The following NAALADL2 variants were observed in gnomAD, a reference collection of about 807,000 sequenced individuals.
The protein encoded by NAALADL2 is inactive N-acetylated-alpha-linked acidic dipeptidase-like protein 2.
In NAALADL2, 76 loss-of-function variants were observed where a neutral mutation model predicts 87.2. That is an observed-to-expected ratio of 0.87 (90% confidence interval 0.72 to 1.05). The LOEUF (loss-of-function observed/expected upper bound fraction) is 1.05. NAALADL2 is among the 50% of genes least tolerant of loss of function. The probability of loss-of-function intolerance (pLI) is 0.00; values close to 1 mark genes in which losing one functional copy is unlikely to be tolerated. For missense variants in NAALADL2, 1,089 were observed against 945.8 expected (o/e 1.15, Z -1.99); for synonymous variants, 354 against 331.0 (o/e 1.07, Z -0.75).
At chr3:174,982,917 C>A (rs1436612250) in intron 1 of NAALADL2, among the ~76,000 whole-genome samples, 1 of 152,156 alleles carries the variant, frequency 6.6e-6, no homozygotes, top group African/African-American at 2.4e-5. Context: ...CCTGCCTCAG[C>A]CTCCTGAGTA....
intron 3 of NAALADL2, among the ~76,000 whole-genome samples, chr3:174,773,300 G>A (rs566461): frequency 0.53 from 80,387 of 152,048 alleles, 21,632 homozygotes; most frequent in Middle Eastern, 0.64. Context: ...TCTCTTTCCT[G>A]TTGTTAGTTA....
intron 4 of NAALADL2, among the ~76,000 whole-genome samples, chr3:175,285,420 G>C (rs1373407513): frequency 6.6e-6 from 1 of 150,550 alleles, no homozygotes; most frequent in Non-Finnish European, 1.5e-5. Flanking sequence ...TGATATTGTT[G>C]ATTATTTTCT....
chr3:175,114,017 G>A (rs1724670259), intron 2 of NAALADL2, among the ~76,000 whole-genome samples: 1 of 151,622 alleles, frequency 6.6e-6, no homozygotes, highest in South Asian at 2.1e-4. Context: ...AGTTTGTCAG[G>A]TCTTAGTAAT....
chr3:175,537,467 G>A (rs1039106125), intron 9 of NAALADL2, among the ~76,000 whole-genome samples: 1 of 152,134 alleles, frequency 6.6e-6, no homozygotes, highest in Non-Finnish European at 1.5e-5. Context: ...TGAACTAAAG[G>A]TTTATATTGA....
intron 2 of NAALADL2, among the ~76,000 whole-genome samples, chr3:174,727,357 G>T (rs1339639756): frequency 1.3e-5 from 2 of 151,636 alleles, no homozygotes; most frequent in African/African-American, 4.8e-5. Flanking sequence ...TCCCAAAATG[G>T]GTAATGTTCA....
intron 11 of NAALADL2, among the ~76,000 whole-genome samples, chr3:175,691,148 A>G (rs1736980800): frequency 6.6e-6 from 1 of 151,484 alleles, no homozygotes; most frequent in Non-Finnish European, 1.5e-5. Flanking sequence ...GTAGTTTCAT[A>G]AGTAACAAAA....
intron 3 of NAALADL2, among the ~76,000 whole-genome samples, chr3:174,823,972 A>G (rs1219056292): frequency 6.6e-6 from 1 of 152,198 alleles, no homozygotes; most frequent in Non-Finnish European, 1.5e-5. Flanking sequence ...AAAATCTTTC[A>G]ATTCTTAGTA....
intron 9 of NAALADL2, among the ~76,000 whole-genome samples, chr3:175,529,232 C>G (rs140023230): frequency 3.9e-5 from 6 of 152,326 alleles, no homozygotes; most frequent in African/African-American, 1.4e-4. Context: ...CCAGACAACA[C>G]TGTAACTCTC....
intron 12 of NAALADL2, 31 bp downstream of exon 12, chr3:175,737,430 C>T (rs1424095505): frequency 1.5e-6 from 2 of 1,329,414 alleles, no homozygotes; most frequent in African/African-American, 2.9e-5. Flanking sequence ...AGTAATTTTA[C>T]CAATGAAAAA....
At chr3:174,736,687 G>A (rs1229702684) in intron 2 of NAALADL2, among the ~76,000 whole-genome samples, 1 of 152,110 alleles carries the variant, frequency 6.6e-6, no homozygotes, top group Non-Finnish European at 1.5e-5. Flanking sequence ...CCTGGAAAAA[G>A]CACCATAGTT....
chr3:175,087,329 T>C (rs540109654), intron 1 of NAALADL2, among the ~76,000 whole-genome samples: 1 of 152,142 alleles, frequency 6.6e-6, no homozygotes, highest in South Asian at 2.1e-4. Context: ...GGGAAGGAGG[T>C]TGGGGGCGCC....
intron 2 of NAALADL2, among the ~76,000 whole-genome samples, chr3:174,605,234 C>T (rs1308391959): frequency 1.3e-5 from 2 of 152,180 alleles, no homozygotes; most frequent in African/African-American, 2.4e-5. Context: ...CCAGCGTGAG[C>T]AACGCAGAAG....
chr3:175,304,250 C>A (rs148435703), intron 4 of NAALADL2, among the ~76,000 whole-genome samples: 4 of 152,122 alleles, frequency 2.6e-5, no homozygotes, highest in Non-Finnish European at 4.4e-5. Flanking sequence ...GAGTCATAAG[C>A]TTTTGGATAT....
chr3:175,153,137 A>C (rs1013960991), intron 2 of NAALADL2, among the ~76,000 whole-genome samples: 11 of 152,116 alleles, frequency 7.2e-5, no homozygotes, highest in African/African-American at 2.4e-4. Flanking sequence ...TATACAACTT[A>C]CCTCTTAAAG....
chr3:175,193,321 G>C (rs1185920243), intron 2 of NAALADL2, among the ~76,000 whole-genome samples: 1 of 151,658 alleles, frequency 6.6e-6, no homozygotes, highest in African/African-American at 2.4e-5. Context: ...TATAATGATA[G>C]ATATGAAAGT....
chr3:175,456,631 TACAA>T (rs1327659022), intron 6 of NAALADL2, among the ~76,000 whole-genome samples: 2 of 152,004 alleles, frequency 1.3e-5, no homozygotes, highest in East Asian at 1.9e-4. Context: ...AAGAGCAAAT[TACAA>T]ACATAGTGAA....
chr3:175,063,279 T>C (rs1213203431), intron 1 of NAALADL2, among the ~76,000 whole-genome samples: 1 of 152,120 alleles, frequency 6.6e-6, no homozygotes, highest in African/African-American at 2.4e-5. Context: ...TTAAATAGTA[T>C]TTAAAAATTA....
At chr3:175,727,270 A>G (rs1338693307) in intron 11 of NAALADL2, among the ~76,000 whole-genome samples, 1 of 152,150 alleles carries the variant, frequency 6.6e-6, no homozygotes, top group Non-Finnish European at 1.5e-5. Flanking sequence ...GCAGTTTCTC[A>G]GCACGCTGAG....
At chr3:174,471,291 A>T (rs1317811423) in intron 1 of NAALADL2, among the ~76,000 whole-genome samples, 1 of 152,094 alleles carries the variant, frequency 6.6e-6, no homozygotes, top group Non-Finnish European at 1.5e-5. Flanking sequence ...CTTCTAAAAG[A>T]AACATTGTAA....
Sources: allele counts gnomAD v4.1 joint callset (sites outside exome capture counted in the v4.1 genomes callset), GRCh38; gene constraint gnomAD v4.1.1; transcripts MANE v1.5; gene names NCBI Gene and HGNC (gene_info 2026-07-23, HGNC 2026-07-21).